EPB41L3: variants seen among roughly 807,000 people sequenced by gnomAD.
EPB41L3 encodes the protein erythrocyte membrane protein band 4.1 like 3.
EPB41L3 carries 57 observed loss-of-function variants against 127.1 expected under a neutral mutation model. The ratio of observed to expected loss-of-function variants is 0.45; its 90% CI spans 0.36 to 0.56. The LOEUF (loss-of-function observed/expected upper bound fraction) is 0.56. Among genes scored for constraint, EPB41L3 ranks in the 20% least tolerant of loss-of-function variants. The pLI is 0.00. For synonymous variants in EPB41L3, 572 were observed against 549.5 expected, an observed-to-expected ratio of 1.04 and a Z score of -0.57; for missense variants, 1,273 against 1,372.2, an observed-to-expected ratio of 0.93 and a Z score of 1.14.
chr18:5,536,955 T>C (rs905835138), intron 1 of EPB41L3, among the ~76,000 whole-genome samples: 11 of 152,254 alleles, frequency 7.2e-5, no homozygotes, highest in Non-Finnish European at 1.6e-4. Context: ...AAAATGATGC[T>C]ACTGCTATTT....
At chr18:5,400,480 T>C (rs376516101) in intron 16 of EPB41L3, 5 of 455,512 alleles carry the variant, frequency 1.1e-5, no homozygotes, top group East Asian at 7.0e-5. Context: ...TTAAATGAAA[T>C]GAATTGAAAG....
intron 1 of EPB41L3, among the ~76,000 whole-genome samples, chr18:5,525,777 T>C (rs892827536): frequency 3.9e-5 from 6 of 152,222 alleles, no homozygotes; most frequent in African/African-American, 1.2e-4. Flanking sequence ...TCTCTTTCCA[T>C]TGTTAGTGAA....
chr18:5,562,714 G>C (rs146228461), intron 3 of EPB41L3, among the ~76,000 whole-genome samples: 1 of 152,220 alleles, frequency 6.6e-6, no homozygotes, highest in Non-Finnish European at 1.5e-5. Context: ...TGAACAGCCT[G>C]TATGTGACAG....
intron 3 of EPB41L3, among the ~76,000 whole-genome samples, chr18:5,593,471 A>G (rs2143601384): frequency 6.6e-6 from 1 of 152,266 alleles, no homozygotes; most frequent in Non-Finnish European, 1.5e-5. Context: ...TGGGTCACAG[A>G]GATCACGTGC....
intron 3 of EPB41L3, among the ~76,000 whole-genome samples, chr18:5,592,254 C>A (rs77695385): frequency 0.11 from 15,984 of 152,172 alleles, 963 homozygotes; most frequent in South Asian, 0.16. Context: ...GCAACCTCCA[C>A]CTCGCGGGTT....
rs2148817724 is a variant in EPB41L3, at chr18:5,521,534, CTTGAAATTTAGAATGAGTACAG to C, written c.-12+22357_-12+22378del. The C allele has an allele frequency of 2.0e-5, 3 of 152,278 alleles. No homozygotes were observed. The South Asian group carries it at 6.2e-4, about 32-fold the overall frequency. 9.4% of individuals were successfully genotyped at this position (152,278 alleles called of 1,614,324 possible). On this transcript the variant is annotated intron_variant, in intron 1 of 22. Transcript: ENST00000341928. ...AACAGTGAGGATATCATAAGAAATG[CTTGAAATTTAGAATGAGTACAG>C]TATTTGTATTGACAAAATGGCTTTG... is the stretch of plus-strand genomic sequence containing the variant.
intron 1 of EPB41L3, among the ~76,000 whole-genome samples, chr18:5,621,196 T>C (rs1257994365): frequency 1.3e-5 from 2 of 152,090 alleles, no homozygotes; most frequent in African/African-American, 2.4e-5. Flanking sequence ...GTCACTGTAG[T>C]GGCCAAAATC....
At chr18:5,449,821 G>A (rs1169399750) in intron 3 of EPB41L3, among the ~76,000 whole-genome samples, 1 of 152,188 alleles carries the variant, frequency 6.6e-6, no homozygotes, top group Non-Finnish European at 1.5e-5. Context: ...ACAGATAGTA[G>A]TGAATGCTAC....
At chr18:5,528,500 G>T (rs1284157976) in intron 1 of EPB41L3, among the ~76,000 whole-genome samples, 1 of 151,718 alleles carries the variant, frequency 6.6e-6, no homozygotes, top group Admixed American at 6.6e-5. Context: ...TGTGTATATA[G>T]GTCATCATCT....
At chr18:5,417,077 GT>G (rs2076918830) in intron 12 of EPB41L3, among the ~76,000 whole-genome samples, 1 of 152,146 alleles carries the variant, frequency 6.6e-6, no homozygotes, top group African/African-American at 2.4e-5. Flanking sequence ...TAGGATATTA[GT>G]GGAACTTCAA....
At chr18:5,428,182 A>G in intron 9 of EPB41L3, 131 bp downstream of exon 9, 1 of 995,354 alleles carries the variant, frequency 1.0e-6, no homozygotes, top group East Asian at 2.4e-5. Context: ...CCTACAATAA[A>G]CTCTCTCAGG....
At chr18:5,530,737 C>A (rs1330761699) in intron 1 of EPB41L3, among the ~76,000 whole-genome samples, 1 of 152,292 alleles carries the variant, frequency 6.6e-6, no homozygotes, top group African/African-American at 2.4e-5. Context: ...AGGTTGGACA[C>A]CACTCCCTCT....
At chr18:5,489,327 C>T (rs1455233423) in intron 1 of EPB41L3, 133 bp from the exon 2 acceptor site, 7 of 1,011,804 alleles carry the variant, frequency 6.9e-6, no homozygotes, top group Non-Finnish European at 9.7e-6. Context: ...CCATCCTATT[C>T]CACACACTGG....
In EPB41L3 at chr18:5,606,517, T is replaced by A. The variant is rs78485739; in HGVS notation, c.-306+5823A>T. ...TATTATTATTGAAATAAAGGAAATG[T>A]ACAAACTTTAACCCTTTATTCGTAT... On this transcript the variant is annotated intron_variant, in intron 3 of 21. Transcript: ENST00000545076. Among the ~76,000 whole-genome samples the A allele has an allele frequency of 2.3e-3, 350 of 152,338 alleles. 3 individuals carry two copies. Among genetic ancestry groups the A allele is most frequent in the Non-Finnish European group, 2.2e-3 (150 of 68,018 alleles).
intron 3 of EPB41L3, among the ~76,000 whole-genome samples, chr18:5,448,360 C>A (rs942777457): frequency 6.6e-6 from 1 of 152,158 alleles, no homozygotes; most frequent in South Asian, 2.1e-4. Flanking sequence ...ATTCTTCTAA[C>A]CCAGATGATT....
chr18:5,623,862 G>A (rs1353194995), intron 1 of EPB41L3, among the ~76,000 whole-genome samples: 1 of 151,832 alleles, frequency 6.6e-6, no homozygotes, highest in Non-Finnish European at 1.5e-5. Context: ...TCACCATGTT[G>A]GCCAGGCTTG....
At chr18:5,609,933 T>C (rs1362153712) in intron 3 of EPB41L3, among the ~76,000 whole-genome samples, 1 of 152,144 alleles carries the variant, frequency 6.6e-6, no homozygotes, top group Non-Finnish European at 1.5e-5. Flanking sequence ...TCATCTTCGT[T>C]TCATTTGAGT....
intron 1 of EPB41L3, among the ~76,000 whole-genome samples, chr18:5,511,471 T>C (rs1277519312): frequency 4.8e-5 from 7 of 146,694 alleles, no homozygotes; most frequent in Non-Finnish European, 1.0e-4. Context: ...AAACTTGGGT[T>C]CTCCCTTCTT....
chr18:5,420,029 C>T, intron 11 of EPB41L3, 152 bp from the exon 12 acceptor site: 3 of 1,454,668 alleles, frequency 2.1e-6, no homozygotes, highest in Non-Finnish European at 2.7e-6. Context: ...AAAAAAATAC[C>T]AACACAAAAT....
Sources: gnomAD v4.1 joint callset for allele counts (sites outside exome capture counted in the v4.1 genomes callset) on GRCh38, gnomAD v4.1.1 for gene constraint, MANE v1.5 for transcripts, NCBI Gene and HGNC (gene_info 2026-07-23, HGNC 2026-07-21) for gene names.